Variants in FAM161B observed in about 807,000 individuals in gnomAD.
FAM161B encodes the protein protein FAM161B.
In FAM161B, 46 loss-of-function variants were observed where a neutral mutation model predicts 61.5. The ratio of observed to expected loss-of-function variants is 0.75; its 90% CI spans 0.59 to 0.96. FAM161B has a LOEUF of 0.96. Ranked by LOEUF, FAM161B falls within the 40% of genes least tolerant of loss-of-function variation. The probability of loss-of-function intolerance (pLI) is 0.00; values close to 1 mark genes in which losing one functional copy is unlikely to be tolerated. For missense variants in FAM161B, 774 were observed against 800.7 expected (o/e 0.97, Z 0.40); for synonymous variants, 284 against 302.7 (o/e 0.94, Z 0.64).
At chr14:73,947,952 C>T (rs1467967808) in intron 1 of FAM161B, among the ~76,000 whole-genome samples, 1 of 151,814 alleles carries the variant, frequency 6.6e-6, no homozygotes, top group African/African-American at 2.4e-5. Flanking sequence ...CAGGTTCTTG[C>T]TCTGTCACCC....
chr14:73,938,728 T>C (rs962517289), intron 5 of FAM161B, among the ~76,000 whole-genome samples: 20 of 148,782 alleles, frequency 1.3e-4, no homozygotes, highest in East Asian at 4.0e-4. Context: ...GCCGAGATCG[T>C]GCCACTGCAC....
At position 73,949,956 on chromosome 14, in the gene FAM161B, C is replaced by T; in HGVS notation, c.54+17G>A. 1.2e-6 allele frequency: 2 copies of T among 1,613,252 alleles called. No homozygotes were observed. Among genetic ancestry groups the T allele is most frequent in the Non-Finnish European group, 1.7e-6 (2 of 1,179,810 alleles). ...CCGGGATTCCTTTCCCGGGGGCAGTCTCTTTTCTCTCCTCACCTGACGGCT... is the reference window on the plus strand; with the variant it reads ...CCGGGATTCCTTTCCCGGGGGCAGTTTCTTTTCTCTCCTCACCTGACGGCT... On this transcript the variant is annotated intron_variant, in intron 1 of 8. Transcript: ENST00000286544.
intron 3 of FAM161B, among the ~76,000 whole-genome samples, chr14:73,943,280 C>A (rs1479905202): frequency 6.6e-6 from 1 of 152,226 alleles, no homozygotes; most frequent in Non-Finnish European, 1.5e-5. Flanking sequence ...AATTTCTCTA[C>A]TGAATTGTGA....
chr14:73,946,693 T>G, intron 1 of FAM161B, 88 bp from the exon 2 acceptor site: 1 of 1,383,034 alleles, frequency 7.2e-7, no homozygotes, highest in Non-Finnish European at 9.8e-7. Context: ...AATAAGCTTC[T>G]GTATATTAGG....
intron 1 of FAM161B, among the ~76,000 whole-genome samples, chr14:73,948,577 C>A (rs2056088894): frequency 6.6e-6 from 1 of 152,104 alleles, no homozygotes; most frequent in South Asian, 2.1e-4. Flanking sequence ...TTTTTCTTTT[C>A]TTTTAAAGAC....
At chr14:73,946,010 G>A (rs1043732014) in intron 2 of FAM161B, among the ~76,000 whole-genome samples, 4 of 152,164 alleles carry the variant, frequency 2.6e-5, no homozygotes, top group East Asian at 1.9e-4. Context: ...CCAAAGTGCT[G>A]GAATTACAGG....
chr14:73,925,979 A>G, the FAM161B span, among the ~76,000 whole-genome samples: 11 of 152,198 alleles, frequency 7.2e-5, no homozygotes, highest in Non-Finnish European at 1.3e-4. Context: ...GGCTACAGTG[A>G]GCAGTGACTG....
intron 5 of FAM161B, 69 bp downstream of exon 5, chr14:73,940,857 T>C: frequency 6.5e-7 from 1 of 1,541,376 alleles, no homozygotes; most frequent in Non-Finnish European, 8.7e-7. Flanking sequence ...AGGAGGCCCC[T>C]TGGCAGGGAG....
intron 7 of FAM161B, among the ~76,000 whole-genome samples, chr14:73,936,437 T>C (rs1414328934): frequency 6.6e-5 from 10 of 152,146 alleles, no homozygotes; most frequent in Admixed American, 6.6e-4. Flanking sequence ...TTTAAAAGGA[T>C]GGACTAAAAA....
chr14:73,944,306 A>G, intron 3 of FAM161B, 29 bp downstream of exon 3: 1 of 1,543,514 alleles, frequency 6.5e-7, no homozygotes, highest in African/African-American at 1.4e-5. Context: ...CCGAGGCAGG[A>G]GGCAGCAAGG....
At chr14:73,930,980 G>A (rs1320332402), downstream of FAM161B, among the ~76,000 whole-genome samples, 2 of 152,166 alleles carry the variant, frequency 1.3e-5, no homozygotes, top group Non-Finnish European at 2.9e-5. Context: ...GTATAGAGTA[G>A]AATGTTAGTG....
In FAM161B at chr14:73,942,360, G is replaced by C; in HGVS notation, c.1272+9C>G. On this transcript the variant is annotated intron_variant, in intron 4 of 8. Transcript: ENST00000286544. Reference sequence around the variant, plus strand: ...GCCCTGACCCTCCCACAGCTGCCTGGGCTCTCACCTGCCTCCTTCCGGTGG... The same window carrying C: ...GCCCTGACCCTCCCACAGCTGCCTGCGCTCTCACCTGCCTCCTTCCGGTGG... The C allele has an allele frequency of 6.2e-7, 1 of 1,612,110 alleles. No individual in the cohort carries two copies. The highest frequency in any genetic ancestry group is 8.5e-7 in the Non-Finnish European group (1 of 1,178,938).
At chr14:73,925,926 C>G in the FAM161B span, among the ~76,000 whole-genome samples, 17 of 152,082 alleles carry the variant, frequency 1.1e-4, no homozygotes, top group African/African-American at 3.9e-4. Flanking sequence ...CCCAACTACT[C>G]GGGAGGCTGA....
At chr14:73,927,854 T>C (rs2055856882), downstream of FAM161B, 1 of 154,656 alleles carries the variant, frequency 6.5e-6, no homozygotes, top group Non-Finnish European at 1.4e-5. Context: ...TTTTTAATTT[T>C]TTAGACGGAG....
intron 3 of FAM161B, among the ~76,000 whole-genome samples, chr14:73,944,011 G>A (rs965660222): frequency 2.6e-5 from 4 of 152,134 alleles, no homozygotes; most frequent in Non-Finnish European, 5.9e-5. Context: ...GGTGGCATGA[G>A]CCCAAGCTGG....
Position 73,946,578 on chromosome 14 carries a change from T to A in FAM161B, c.82A>T (p.Thr28Ser). ...QIFPPESFAD[T>S]EAGEELSGDG... ...CCGGACAGCTCCTCTCCTGCCTCTG[T>A]GTCTGCGAAGGACTCGGGGGGAAAT... Residue 28 changes from threonine (T) to serine (S), a missense_variant, in exon 2 of 9, where the codon ACA becomes TCA. By Grantham distance (58) the Thr-to-Ser change is moderately conservative. Coordinates refer to ENST00000286544, the MANE Select transcript of FAM161B (RefSeq NM_152445.3). 1 of 1,613,846 alleles carries A rather than the reference T, an allele frequency of 6.2e-7. No individual in the cohort carries two copies.
chr14:73,944,203 C>T (rs1425343342), intron 3 of FAM161B, 132 bp downstream of exon 3: 13 of 1,375,508 alleles, frequency 9.5e-6, no homozygotes, highest in South Asian at 7.1e-5. Context: ...CTGCACTAAG[C>T]GTGCAGCCTC....
chr14:73,926,544 C>T (rs1003548238), downstream of FAM161B, among the ~76,000 whole-genome samples: 39 of 152,106 alleles, frequency 2.6e-4, no homozygotes, highest in African/African-American at 7.7e-4. Context: ...AGCAATTCTC[C>T]TGCCTCAAGT....
chr14:73,929,531 A>G (rs900694310), downstream of FAM161B, among the ~76,000 whole-genome samples: 1 of 152,192 alleles, frequency 6.6e-6, no homozygotes, highest in Non-Finnish European at 1.5e-5. Flanking sequence ...CAAGAATATC[A>G]GAGAACAACC....
Sources: gnomAD v4.1 joint callset for allele counts (sites outside exome capture counted in the v4.1 genomes callset) on GRCh38, gnomAD v4.1.1 for gene constraint, MANE v1.5 for transcripts, NCBI Gene and HGNC (gene_info 2026-07-23, HGNC 2026-07-21) for gene names.